FOCAD: variants seen among roughly 807,000 people sequenced by gnomAD.
The protein encoded by FOCAD is focadhesin, also known as KIAA1797.
In FOCAD, 198 loss-of-function variants were observed where a neutral mutation model predicts 225.6. The observed-to-expected ratio is 0.88, with a 90% CI of 0.78 to 0.99. The LOEUF is 0.99. Ranked by LOEUF, FOCAD falls within the 50% of genes least tolerant of loss-of-function variation. The probability of loss-of-function intolerance (pLI) is 0.00; values close to 1 mark genes in which losing one functional copy is unlikely to be tolerated. For missense variants in FOCAD, 2,713 were observed against 2,123.6 expected (o/e 1.28, Z -5.46); for synonymous variants, 897 against 755.0 (o/e 1.19, Z -3.08).
At chr9:20,731,901 G>A (rs1826746991) in intron 4 of FOCAD, among the ~76,000 whole-genome samples, 1 of 152,160 alleles carries the variant, frequency 6.6e-6, no homozygotes, top group South Asian at 2.1e-4. Flanking sequence ...ACAGGTGTGA[G>A]CCACTATACC....
At chr9:20,703,931 G>T (rs1385285153) in intron 1 of FOCAD, among the ~76,000 whole-genome samples, 2 of 152,224 alleles carry the variant, frequency 1.3e-5, no homozygotes. Flanking sequence ...CCAGGTCTAT[G>T]GTTCCCTCCT....
In FOCAD at chr9:20,856,227, G is replaced by C. The variant is rs146238482; in HGVS notation, c.1921-6351G>C. 9.1e-3 allele frequency among the ~76,000 whole-genome samples: 1,375 copies of C among 151,864 alleles called. 14 individuals carry two copies. The highest frequency in any genetic ancestry group is 0.013 in the Non-Finnish European group (913 of 67,782). ...TACATTCCTACCAACAGTGTACGAG[G>C]GTTCCCCTTTCTCCACATTCTCACC... On this transcript the variant is annotated intron_variant, in intron 15 of 43. Coordinates refer to ENST00000338382, the MANE Select transcript of FOCAD (RefSeq NM_001375567.1).
chr9:20,708,623 A>C (rs993771041), intron 1 of FOCAD, among the ~76,000 whole-genome samples: 2 of 152,028 alleles, frequency 1.3e-5, no homozygotes, highest in Non-Finnish European at 2.9e-5. Context: ...TTTTAAAAAA[A>C]CTTTAGCCAG....
chr9:20,840,040 G>A (rs995311470), intron 15 of FOCAD, among the ~76,000 whole-genome samples: 2 of 152,130 alleles, frequency 1.3e-5, no homozygotes, highest in South Asian at 4.1e-4. Flanking sequence ...TATGCCAGTA[G>A]CATGCTGTTT....
At chr9:20,701,582 G>A (rs1823951733) in intron 1 of FOCAD, among the ~76,000 whole-genome samples, 1 of 152,224 alleles carries the variant, frequency 6.6e-6, no homozygotes, top group Non-Finnish European at 1.5e-5. Flanking sequence ...CAATTGTCGT[G>A]ATGGAAGTGG....
chr9:20,888,633 T>C (rs967091631), intron 21 of FOCAD, among the ~76,000 whole-genome samples: 2 of 152,138 alleles, frequency 1.3e-5, no homozygotes, highest in African/African-American at 4.8e-5. Flanking sequence ...TTTGGCTACG[T>C]CCCCATCCAA....
intron 17 of FOCAD, among the ~76,000 whole-genome samples, 173 bp downstream of exon 17, chr9:20,866,149 T>G (rs1323174954): frequency 2.0e-5 from 3 of 152,054 alleles, no homozygotes; most frequent in Admixed American, 6.6e-5. Flanking sequence ...TATGCTCAAT[T>G]TATGCCCATT....
At chr9:20,859,950 G>A (rs571420573) in intron 15 of FOCAD, among the ~76,000 whole-genome samples, 296 of 151,924 alleles carry the variant, frequency 1.9e-3, no homozygotes, top group Non-Finnish European at 3.6e-3. Context: ...GAGTTTTTTT[G>A]GGAGGAGGTG....
At chr9:20,718,901 CT>C (rs1825557542) in intron 3 of FOCAD, among the ~76,000 whole-genome samples, 1 of 152,010 alleles carries the variant, frequency 6.6e-6, no homozygotes, top group South Asian at 2.1e-4. Context: ...CATTTAGAAC[CT>C]TTTGATATTG....
intron 5 of FOCAD, among the ~76,000 whole-genome samples, chr9:20,749,684 T>G (rs1828369153): frequency 6.6e-6 from 1 of 152,184 alleles, no homozygotes; most frequent in African/African-American, 2.4e-5. Flanking sequence ...GCATGGTGAC[T>G]GCAGGCATTG....
In FOCAD at chr9:20,740,278, A is replaced by G; in HGVS notation, c.330A>G (p.Gln110=). ...TAAAAGCCATTATGCACTTACTACAAATGCAAGCTCTTAAGGAAGGACAAG... is the reference window on the plus strand; with the variant it reads ...TAAAAGCCATTATGCACTTACTACAGATGCAAGCTCTTAAGGAAGGACAAG... ...GLIKAIMHLL[Q]MQALKEGQGG... The change falls in exon 5 of 44, where the codon CAA becomes CAG. Residue 110 remains glutamine (Q), a synonymous_variant. Coordinates refer to ENST00000338382, the MANE Select transcript of FOCAD (RefSeq NM_001375567.1). 6.2e-7 allele frequency: 1 copy of G among 1,612,548 alleles called. No individual in the cohort carries two copies. Among genetic ancestry groups the G allele is most frequent in the Non-Finnish European group, 8.5e-7 (1 of 1,178,930 alleles).
intron 2 of FOCAD, among the ~76,000 whole-genome samples, chr9:20,664,747 G>A (rs1283835976): frequency 6.6e-6 from 1 of 151,068 alleles, no homozygotes; most frequent in African/African-American, 2.4e-5. Context: ...CCAATGTGCT[G>A]GGATTACAGG....
intron 35 of FOCAD, among the ~76,000 whole-genome samples, chr9:20,957,183 C>A (rs1430391190): frequency 6.6e-6 from 1 of 152,066 alleles, no homozygotes; most frequent in African/African-American, 2.4e-5. Flanking sequence ...TCTGCCTCAG[C>A]CCCCCAGGTA....
intron 22 of FOCAD, among the ~76,000 whole-genome samples, chr9:20,907,515 G>A (rs562779191): frequency 1.3e-5 from 2 of 151,916 alleles, no homozygotes; most frequent in Admixed American, 1.3e-4. Context: ...TCACTTGGCT[G>A]CCCCACAGCA....
At chr9:20,743,422 C>T (rs2131682667) in intron 5 of FOCAD, among the ~76,000 whole-genome samples, 1 of 152,286 alleles carries the variant, frequency 6.6e-6, no homozygotes, top group East Asian at 1.9e-4. Context: ...ATTTGAATCA[C>T]AGTGCAACAG....
In FOCAD at chr9:20,995,790, C is replaced by A. The variant is rs74902521; in HGVS notation, c.*161C>A. On this transcript the variant is annotated 3_prime_UTR_variant, in exon 44 of 44. Coordinates refer to ENST00000338382, the MANE Select transcript of FOCAD (RefSeq NM_001375567.1). ...TCACTGACAGCTTGACACATGCCTC[C>A]TAAGAGAGGAGTGCATTGCTTTAGT... 4.7e-3 allele frequency: 2,547 copies of A among 538,310 alleles called. 84 individuals are homozygous for A. The East Asian group carries it at 0.059, about 12-fold the overall frequency. The allele number at this position is 538,310 out of a possible 1,614,324, so 33.3% of individuals were successfully genotyped here. A position where few individuals can be genotyped will look rare whatever the true frequency, so the allele number is the denominator to read the frequency against.
intron 37 of FOCAD, among the ~76,000 whole-genome samples, chr9:20,980,098 A>C (rs1213896500): frequency 1.3e-5 from 2 of 151,780 alleles, no homozygotes; most frequent in Non-Finnish European, 2.9e-5. Context: ...TTGCCTTTCT[A>C]AAATAACCTT....
At chr9:20,993,908 A>G (rs116950533) in intron 43 of FOCAD, among the ~76,000 whole-genome samples, 3,209 of 152,290 alleles carry the variant, frequency 0.021, 49 homozygotes, top group Non-Finnish European at 0.031. Context: ...AAATTCAGAA[A>G]ATTCAGAAAA....
At chr9:20,695,958 C>G (rs1823336713) in intron 1 of FOCAD, among the ~76,000 whole-genome samples, 1 of 152,228 alleles carries the variant, frequency 6.6e-6, no homozygotes, top group Non-Finnish European at 1.5e-5. Flanking sequence ...ATGTGGCATC[C>G]TTTTATCATA....
Sources: allele counts gnomAD v4.1 joint callset (sites outside exome capture counted in the v4.1 genomes callset), GRCh38; gene constraint gnomAD v4.1.1; transcripts MANE v1.5; gene names NCBI Gene and HGNC (gene_info 2026-07-23, HGNC 2026-07-21).